CPS1: variants seen among roughly 807,000 people sequenced by gnomAD.
CPS1 encodes carbamoyl-phosphate synthase [ammonia], mitochondrial.
A neutral mutation model predicts 174.6 loss-of-function variants in CPS1; 109 were observed. That is an observed-to-expected ratio of 0.62 (90% CI 0.53 to 0.73). The LOEUF is 0.73. Among genes scored for constraint, CPS1 ranks in the 30% least tolerant of loss-of-function variants. The pLI, the probability that CPS1 is intolerant of heterozygous loss-of-function variation, is 0.00. For missense variants in CPS1, 1,689 were observed against 1,821.9 expected, an observed-to-expected ratio of 0.93 and a Z score of 1.33; for synonymous variants, 637 against 632.0, an observed-to-expected ratio of 1.01 and a Z score of -0.12.
rs183558795 is a variant in CPS1 at position 210,586,457 on chromosome 2, G to A, written c.622-1601G>A. Among the ~76,000 whole-genome samples, 552 of 152,084 alleles carry A rather than the reference G, an allele frequency of 3.6e-3. 6 individuals are homozygous for A. Among genetic ancestry groups the A allele is most frequent in the African/African-American group, 0.012 (498 of 41,528 alleles). ...GGTGATGATAGATGATAGAATGTTA[G>A]AATTGAGAACTGCCTTGGTGGTTTA... On this transcript the variant is annotated intron_variant, in intron 6 of 37. Transcript: ENST00000233072.
chr2:210,534,846 T>C (rs1696206088), intron 1 of CPS1, among the ~76,000 whole-genome samples: 1 of 152,206 alleles, frequency 6.6e-6, no homozygotes, highest in Admixed American at 6.5e-5. Context: ...TCTAAGTTAC[T>C]GGGTGGCTTA....
intron 1 of CPS1, among the ~76,000 whole-genome samples, chr2:210,509,911 T>C (rs1695402753): frequency 6.6e-6 from 1 of 152,166 alleles, no homozygotes; most frequent in Non-Finnish European, 1.5e-5. Flanking sequence ...TCCATGCTCA[T>C]GGGTAGGAAC....
intron 1 of CPS1, among the ~76,000 whole-genome samples, chr2:210,546,151 C>T (rs1207980074): frequency 2.0e-5 from 3 of 151,944 alleles, no homozygotes; most frequent in Admixed American, 6.6e-5. Context: ...GTGTTCCAGA[C>T]TTATTTTTAT....
intron 21 of CPS1, among the ~76,000 whole-genome samples, chr2:210,627,426 C>T (rs1372746878): frequency 6.6e-6 from 1 of 151,950 alleles, no homozygotes; most frequent in Admixed American, 6.6e-5. Flanking sequence ...AACTCTTGAG[C>T]GTAGAATGGA....
At chr2:210,585,748 C>T (rs1480301345) in intron 6 of CPS1, among the ~76,000 whole-genome samples, 1 of 151,916 alleles carries the variant, frequency 6.6e-6, no homozygotes, top group Non-Finnish European at 1.5e-5. Flanking sequence ...TACATTGTTT[C>T]ACTCCTTATA....
chr2:210,529,820 C>A (rs1034159295), intron 1 of CPS1, among the ~76,000 whole-genome samples: 1 of 151,866 alleles, frequency 6.6e-6, no homozygotes, highest in Non-Finnish European at 1.5e-5. Context: ...TTATTCTATC[C>A]CCATTTTATT....
At chr2:210,523,493 C>A (rs1479030365) in intron 1 of CPS1, among the ~76,000 whole-genome samples, 2 of 151,998 alleles carry the variant, frequency 1.3e-5, no homozygotes, top group Non-Finnish European at 2.9e-5. Flanking sequence ...TCACCTCCTT[C>A]CTACCCTCCC....
rs149930500 is a variant in CPS1, at chr2:210,591,955, G to A, written c.1072G>A (p.Asp358Asn). ...GAAACCACTTTTTGTGAATGTCAAC[G>A]ATCAAACAAATGAGGTAAATGATGT... is the stretch of plus-strand genomic sequence containing the variant. ...GWKPLFVNVNDQTNEGIMHES... is the reference protein window; with the variant it reads ...GWKPLFVNVNNQTNEGIMHES... Residue 358 changes from aspartate to asparagine, a missense_variant, in exon 10 of 38, where the codon GAT (aspartate) becomes AAT (asparagine). Asp to Asn is a conservative substitution (Grantham distance 23, BLOSUM62 1). Coordinates refer to ENST00000233072, the MANE Select transcript of CPS1 (RefSeq NM_001875.5). 3.1e-6 allele frequency: 5 copies of A among 1,611,472 alleles called. No individual in the cohort carries two copies. The highest frequency in any genetic ancestry group is 2.2e-5 in the East Asian group (1 of 44,770).
At chr2:210,670,002 G>A (rs141600791) in intron 34 of CPS1, among the ~76,000 whole-genome samples, 27 of 152,212 alleles carry the variant, frequency 1.8e-4, no homozygotes, top group East Asian at 1.4e-3. Flanking sequence ...AAGTATTTGC[G>A]TAATTTTGGC....
rs2106111329 is a variant in CPS1 at position 210,591,978 on chromosome 2, T to C, written c.1086+9T>C. ...ACGATCAAACAAATGAGGTAAATGATGTCAATAAACCTGTTCAGTTGGTGA... is the reference window on the plus strand; with the variant it reads ...ACGATCAAACAAATGAGGTAAATGACGTCAATAAACCTGTTCAGTTGGTGA... On this transcript the variant is annotated intron_variant, in intron 10 of 37. Transcript: ENST00000233072. 3 of 1,609,946 alleles carry C rather than the reference T, an allele frequency of 1.9e-6. No individual in the cohort carries two copies. The highest frequency in any genetic ancestry group is 1.1e-5 in the South Asian group (1 of 90,866).
At chr2:210,604,170 C>T (rs1456131359) in intron 16 of CPS1, among the ~76,000 whole-genome samples, 5 of 151,800 alleles carry the variant, frequency 3.3e-5, no homozygotes, top group South Asian at 2.1e-4. Flanking sequence ...ACAAATGTGT[C>T]ACATTTTCAT....
chr2:210,641,160 C>T (rs143758700), intron 24 of CPS1, among the ~76,000 whole-genome samples: 69 of 152,280 alleles, frequency 4.5e-4, no homozygotes, highest in Non-Finnish European at 8.1e-4. Flanking sequence ...CTTACTATGT[C>T]ACCTAGGCTG....
chr2:210,643,424 G>A (rs73984677), intron 25 of CPS1, among the ~76,000 whole-genome samples: 7,739 of 152,094 alleles, frequency 0.051, 695 homozygotes, highest in African/African-American at 0.18. Flanking sequence ...TCATCTCTAT[G>A]TGGAAAATAT....
intron 34 of CPS1, among the ~76,000 whole-genome samples, chr2:210,670,554 C>T (rs16844777): frequency 0.14 from 21,928 of 152,020 alleles, 1,730 homozygotes; most frequent in African/African-American, 0.21. Context: ...TTTTATTTAA[C>T]GTGATCCTAC....
chr2:210,526,313 A>G (rs986732827), intron 1 of CPS1, among the ~76,000 whole-genome samples: 1 of 151,760 alleles, frequency 6.6e-6, no homozygotes, highest in Non-Finnish European at 1.5e-5. Context: ...GCAAACCACC[A>G]TGGCACATGT....
rs144801745 is a variant in CPS1, at chr2:210,612,482, A to G, written c.2568+189A>G. On this transcript the variant is annotated intron_variant, in intron 20 of 37. Transcript: ENST00000233072. ...TAGAGTCTTTTACAATTAATGATAAATTATCATTTTTATTTGACTTTAAGC... is the reference window on the plus strand; with the variant it reads ...TAGAGTCTTTTACAATTAATGATAAGTTATCATTTTTATTTGACTTTAAGC... Among the ~76,000 whole-genome samples the G allele has an allele frequency of 2.6e-5, 4 of 152,076 alleles. No homozygotes were observed. The East Asian group carries it at 7.8e-4, about 30-fold the overall frequency.
chr2:210,667,108 T>A (rs1443907125), intron 33 of CPS1, among the ~76,000 whole-genome samples: 1 of 152,096 alleles, frequency 6.6e-6, no homozygotes, highest in African/African-American at 2.4e-5. Context: ...GGGAGTTCCC[T>A]CATGATTTGG....
chr2:210,616,574 ACCT>A, intron 21 of CPS1, 33 bp downstream of exon 21: 2 of 1,247,050 alleles, frequency 1.6e-6, no homozygotes, highest in East Asian at 4.6e-5. Context: ...CATGCCAGAC[ACCT>A]TCAGTGCAAT....
Position 210,588,134 on chromosome 2 carries a change from G to T in CPS1, c.698G>T (p.Arg233Leu), listed in dbSNP as rs751029486. ...TGTGGGATTAAAAACAATGTAATCC[G>T]CCTGCTAGTAAAGGTAAGTAATTTG... is the stretch of plus-strand genomic sequence containing the variant. ...VDCGIKNNVIRLLVKRGAEVH... is the reference protein window; with the variant it reads ...VDCGIKNNVILLLVKRGAEVH... Residue 233 changes from arginine to leucine, a missense_variant, in exon 7 of 38, where the codon CGC becomes CTC. By Grantham distance (102) the Arg-to-Leu change is moderately radical. Transcript: ENST00000233072. 2.5e-6 allele frequency: 4 copies of T among 1,612,210 alleles called. No individual in the cohort carries two copies. The highest frequency in any genetic ancestry group is 1.3e-5 in the African/African-American group (1 of 74,810).
Sources: allele counts gnomAD v4.1 joint callset (sites outside exome capture counted in the v4.1 genomes callset), GRCh38; gene constraint gnomAD v4.1.1; transcripts MANE v1.5; gene names NCBI Gene and HGNC (gene_info 2026-07-23, HGNC 2026-07-21).